The following SEZ6 variants were observed in gnomAD, a reference collection of about 807,000 sequenced individuals.
SEZ6 encodes the protein seizure protein 6 homolog.
A neutral mutation model predicts 101.0 loss-of-function variants in SEZ6; 53 were observed. The observed-to-expected ratio is 0.52, with a 90% CI of 0.42 to 0.66. The LOEUF (loss-of-function observed/expected upper bound fraction) is 0.66, where lower values mean the gene tolerates loss of function less well. SEZ6 is among the 30% of genes least tolerant of loss of function. SEZ6 has a pLI of 0.00. For synonymous variants in SEZ6, 488 were observed against 512.2 expected, an observed-to-expected ratio of 0.95 and a Z score of 0.64; for missense variants, 1,102 against 1,289.4, an observed-to-expected ratio of 0.85 and a Z score of 2.23.
intron 3 of SEZ6, among the ~76,000 whole-genome samples, chr17:28,975,926 G>A (rs1176357243): frequency 6.6e-6 from 1 of 152,238 alleles, no homozygotes; most frequent in Non-Finnish European, 1.5e-5. Flanking sequence ...GAGAGAGGCA[G>A]GCGCCAGGCC....
At chr17:28,989,175 A>C (rs1473248830) in intron 1 of SEZ6, among the ~76,000 whole-genome samples, 1 of 152,106 alleles carries the variant, frequency 6.6e-6, no homozygotes, top group African/African-American at 2.4e-5. Context: ...CCACAACCTG[A>C]GTTTCCATAT....
Position 28,981,311 on chromosome 17 carries a change from AG to A in SEZ6, c.724+59del, listed in dbSNP as rs1317358536. Reference sequence around the variant, plus strand: ...GGCACAGTGTCAGAGACAGGCTTTTAGGGGCCCCGCAGCCTCCCCCATCCCC... The same window carrying A: ...GGCACAGTGTCAGAGACAGGCTTTTAGGGCCCCGCAGCCTCCCCCATCCCC... On this transcript the variant is annotated intron_variant, in intron 2 of 16. Transcript: ENST00000317338. 3.3e-6 allele frequency: 5 copies of A among 1,494,420 alleles called. No homozygotes were observed. The African/African-American group carries it at 7.0e-5, about 21-fold the overall frequency. 92.6% of individuals were successfully genotyped at this position (1,494,420 alleles called of 1,614,324 possible).
At chr17:28,960,378 G>A in intron 7 of SEZ6, 127 bp downstream of exon 7, 3 of 1,275,628 alleles carry the variant, frequency 2.4e-6, no homozygotes, top group Non-Finnish European at 3.3e-6. Context: ...AGTACTGAGT[G>A]AGCAGGGGCT....
chr17:28,969,429 G>A (rs956775431), intron 4 of SEZ6, among the ~76,000 whole-genome samples: 2 of 152,214 alleles, frequency 1.3e-5, no homozygotes, highest in Non-Finnish European at 2.9e-5. Context: ...CATTGCCAGT[G>A]TCCAGCACAA....
At chr17:28,961,598 C>G (rs2040979472) in intron 5 of SEZ6, among the ~76,000 whole-genome samples, 1 of 152,234 alleles carries the variant, frequency 6.6e-6, no homozygotes, top group South Asian at 2.1e-4. Flanking sequence ...ACTGCCGTTC[C>G]TGGGCTGACT....
At chr17:28,962,780 C>CAA (rs141990354) in intron 5 of SEZ6, among the ~76,000 whole-genome samples, 16 of 47,268 alleles carry the variant, frequency 3.4e-4, no homozygotes, top group South Asian at 3.0e-3. Flanking sequence ...GACTCCATCT[C>CAA]AAAAAAAAAA....
At chr17:29,000,799 G>A (rs8067455) in intron 1 of SEZ6, among the ~76,000 whole-genome samples, 8,020 of 152,188 alleles carry the variant, frequency 0.053, 737 homozygotes, top group African/African-American at 0.18. Flanking sequence ...GCCATTAGGG[G>A]TAGTGGGTGG....
Position 28,959,272 on chromosome 17 carries a change from G to A in SEZ6, c.1911-51C>T, listed in dbSNP as rs370223685. 2 of 1,613,194 alleles carry A rather than the reference G, an allele frequency of 1.2e-6. No homozygotes were observed. The highest frequency in any genetic ancestry group is 1.7e-6 in the Non-Finnish European group (2 of 1,179,474). On this transcript the variant is annotated intron_variant, in intron 9 of 16. Coordinates refer to ENST00000317338, the MANE Select transcript of SEZ6 (RefSeq NM_178860.5). The surrounding 1 kb of genome is among the most constrained non-coding windows in gnomAD (Gnocchi z 4.4). The stretch of plus-strand genomic sequence containing the variant: ...AGCCGGCCTGGGGGCCCGAGGATGG[G>A]CTGGACAAGGGATATCCCCAGACCT...
At chr17:29,003,072 T>C (rs2041636553) in intron 1 of SEZ6, among the ~76,000 whole-genome samples, 1 of 152,204 alleles carries the variant, frequency 6.6e-6, no homozygotes, top group Admixed American at 6.5e-5. Context: ...TCTCAGCGGC[T>C]TCCACCTTCA....
Position 28,959,255 on chromosome 17 carries a change from T to G in SEZ6, c.1911-34A>C, listed in dbSNP as rs772515283. ...GAGGAGCGTCAGGGCAGAGCCGGCC[T>G]GGGGGCCCGAGGATGGGCTGGACAA... On this transcript the variant is annotated intron_variant, in intron 9 of 16. Coordinates refer to ENST00000317338, the MANE Select transcript of SEZ6 (RefSeq NM_178860.5). The surrounding 1 kb of genome is among the most constrained non-coding windows in gnomAD (Gnocchi z 4.4). The G allele has an allele frequency of 1.2e-6, 2 of 1,612,500 alleles. No individual in the cohort carries two copies.
At chr17:28,978,202 C>A (rs919130090) in intron 3 of SEZ6, among the ~76,000 whole-genome samples, 1 of 152,204 alleles carries the variant, frequency 6.6e-6, no homozygotes, top group South Asian at 2.1e-4. Flanking sequence ...CACTTCTCAG[C>A]GCCCTGCCAG....
chr17:28,996,214 G>A (rs2041536702), intron 1 of SEZ6, among the ~76,000 whole-genome samples: 2 of 152,096 alleles, frequency 1.3e-5, no homozygotes, highest in East Asian at 1.9e-4. Context: ...GGCTTAGGGA[G>A]GAGTCACTGG....
chr17:28,986,014 G>C (rs1008698143), intron 1 of SEZ6, among the ~76,000 whole-genome samples: 1 of 152,176 alleles, frequency 6.6e-6, no homozygotes, highest in African/African-American at 2.4e-5. Context: ...TCCCTTCCCC[G>C]CGGGCCATCC....
chr17:28,958,401 T>C (rs570584275), intron 10 of SEZ6, among the ~76,000 whole-genome samples: 1 of 152,322 alleles, frequency 6.6e-6, no homozygotes, highest in East Asian at 1.9e-4. Flanking sequence ...GCCTGAGAGA[T>C]GGGGCCAGGT....
intron 5 of SEZ6, 65 bp downstream of exon 5, chr17:28,963,897 G>T: frequency 6.5e-7 from 1 of 1,540,298 alleles, no homozygotes; most frequent in Non-Finnish European, 8.8e-7. Flanking sequence ...GAGCAACAGA[G>T]AGCAGGGATG....
chr17:28,985,787 G>A (rs1430492724), intron 1 of SEZ6, among the ~76,000 whole-genome samples: 1 of 152,222 alleles, frequency 6.6e-6, no homozygotes, highest in Non-Finnish European at 1.5e-5. Context: ...CATAAAACAA[G>A]GATAATACTG....
Position 28,956,774 on chromosome 17 carries a change from G to C in SEZ6, c.2693-17C>G, listed in dbSNP as rs200215830. 7.1e-6 allele frequency: 11 copies of C among 1,560,218 alleles called. No individual in the cohort carries two copies. Among genetic ancestry groups the C allele is most frequent in the Non-Finnish European group, 9.5e-6 (11 of 1,151,984 alleles). ...CCAGAGAGGCTGGAACAAAAGGGGA[G>C]GGCCAAGGGCAGTGAGTGAGCCCAA... On this transcript the variant is annotated splice_polypyrimidine_tract_variant and intron_variant, in intron 13 of 16. Transcript: ENST00000317338.
intron 3 of SEZ6, among the ~76,000 whole-genome samples, chr17:28,973,682 CA>C (rs1297402478): frequency 1.3e-5 from 2 of 152,210 alleles, no homozygotes; most frequent in African/African-American, 4.8e-5. Context: ...TGTAATTTGT[CA>C]CTTGTTTGAG....
chr17:28,996,868 G>A (rs906940449), intron 1 of SEZ6, among the ~76,000 whole-genome samples: 4 of 152,284 alleles, frequency 2.6e-5, no homozygotes, highest in Middle Eastern at 3.4e-3. Context: ...GCAGAGCTGG[G>A]TGTGTGGACA....
Sources: gnomAD v4.1 joint callset for allele counts (sites outside exome capture counted in the v4.1 genomes callset) on GRCh38, gnomAD v4.1.1 for gene constraint, Gnocchi (gnomAD v3.1) non-coding constraint, MANE v1.5 for transcripts, NCBI Gene and HGNC (gene_info 2026-07-23, HGNC 2026-07-21) for gene names.